Variants in LHFPL3 observed in about 807,000 individuals in gnomAD.
The protein encoded by LHFPL3 is LHFPL tetraspan subfamily member 3 protein.
A neutral mutation model predicts 19.3 loss-of-function variants in LHFPL3; 5 were observed. The ratio of observed to expected loss-of-function variants is 0.26; its 90% CI spans 0.14 to 0.54. LHFPL3 has a LOEUF of 0.54. Among genes scored for constraint, LHFPL3 ranks in the 20% least tolerant of loss-of-function variants. The pLI is 0.94. For missense variants in LHFPL3, 249 were observed against 307.4 expected (o/e 0.81, Z 1.42); for synonymous variants, 133 against 126.2 (o/e 1.05, Z -0.36).
rs543248944 is a variant in LHFPL3 at position 104,810,468 on chromosome 7, C to A, written c.682+73557C>A. 4.6e-5 allele frequency among the ~76,000 whole-genome samples: 7 copies of A among 152,202 alleles called. No individual in the cohort carries two copies. In the South Asian group the frequency reaches 1.5e-3, roughly 32 times the overall value. On this transcript the variant is annotated intron_variant, in intron 2 of 2. Coordinates refer to ENST00000424859, the MANE Select transcript of LHFPL3 (RefSeq NM_199000.3). ...GGAGAGGTTTCAGAGGTAGAACTCACAAGAACTGAGGAGAGAGGGTCATTC... is the reference window on the plus strand; with the variant it reads ...GGAGAGGTTTCAGAGGTAGAACTCAAAAGAACTGAGGAGAGAGGGTCATTC...
At chr7:104,397,960 T>C (rs1033778638) in intron 1 of LHFPL3, among the ~76,000 whole-genome samples, 10 of 152,194 alleles carry the variant, frequency 6.6e-5, no homozygotes, top group African/African-American at 2.2e-4. Flanking sequence ...CAGTTTCTCA[T>C]GATAGACAGG....
chr7:104,831,251 A>T (rs147274883), intron 2 of LHFPL3, among the ~76,000 whole-genome samples: 1 of 151,944 alleles, frequency 6.6e-6, no homozygotes, highest in Non-Finnish European at 1.5e-5. Flanking sequence ...TATGCATAAT[A>T]TGATACTGAA....
At chr7:104,527,431 G>C (rs1397462218) in intron 1 of LHFPL3, among the ~76,000 whole-genome samples, 2 of 152,036 alleles carry the variant, frequency 1.3e-5, no homozygotes, top group African/African-American at 2.4e-5. Flanking sequence ...GAGGTGGCGA[G>C]GTGTGGACAG....
chr7:104,890,608 G>C (rs1792226157), intron 2 of LHFPL3, among the ~76,000 whole-genome samples: 2 of 152,168 alleles, frequency 1.3e-5, no homozygotes, highest in African/African-American at 4.8e-5. Flanking sequence ...ACACTGGCCG[G>C]GTGAAGGTCT....
chr7:104,875,440 C>T (rs1791919700), intron 2 of LHFPL3, among the ~76,000 whole-genome samples: 1 of 152,186 alleles, frequency 6.6e-6, no homozygotes, highest in Non-Finnish European at 1.5e-5. Context: ...TCCTTCAATA[C>T]TTATTAGTCT....
In LHFPL3 at chr7:104,510,728, C is replaced by T. The variant is rs1471309099; in HGVS notation, c.445+181504C>T. Reference sequence around the variant, plus strand: ...TAAAACTCTTGCTCTGTGAAAGACCCTGTTGAGAGAATTAAAGTATAAGCT... The same window carrying T: ...TAAAACTCTTGCTCTGTGAAAGACCTTGTTGAGAGAATTAAAGTATAAGCT... On this transcript the variant is annotated intron_variant, in intron 1 of 2. Coordinates refer to ENST00000424859, the MANE Select transcript of LHFPL3 (RefSeq NM_199000.3). 2.6e-5 allele frequency among the ~76,000 whole-genome samples: 4 copies of T among 152,248 alleles called. No individual in the cohort carries two copies. In the South Asian group the frequency reaches 8.3e-4, roughly 32 times the overall value.
Position 104,668,123 on chromosome 7 carries a change from T to A in LHFPL3, c.446-68552T>A. 9.9e-6 allele frequency: 16 copies of A among 1,613,976 alleles called. 1 individual carries two copies. Among genetic ancestry groups the A allele is most frequent in the Non-Finnish European group, 1.4e-5 (16 of 1,179,962 alleles). ...GAGGATTAAATATCAGTGCAGTGCG[T>A]TTACCACGTGAACCCAGCAATCCAG... On this transcript the variant is annotated intron_variant, in intron 1 of 2. Transcript: ENST00000424859.
intron 1 of LHFPL3, among the ~76,000 whole-genome samples, chr7:104,705,649 G>A (rs1000495901): frequency 4.6e-5 from 7 of 152,050 alleles, no homozygotes; most frequent in Admixed American, 4.6e-4. Context: ...GTTACCTTTA[G>A]CACCTGTTCA....
At chr7:104,787,025 T>C (rs897223373) in intron 2 of LHFPL3, among the ~76,000 whole-genome samples, 5 of 152,202 alleles carry the variant, frequency 3.3e-5, no homozygotes, top group South Asian at 4.1e-4. Flanking sequence ...CCACTTACTT[T>C]TATGTTTTGT....
chr7:104,575,119 G>A (rs939571901), intron 1 of LHFPL3, among the ~76,000 whole-genome samples: 5 of 152,134 alleles, frequency 3.3e-5, no homozygotes, highest in Admixed American at 6.5e-5. Flanking sequence ...GACTAAAGAG[G>A]TTAAGAATAT....
intron 1 of LHFPL3, among the ~76,000 whole-genome samples, chr7:104,684,279 AT>A (rs1005104206): frequency 2.0e-5 from 3 of 152,208 alleles, no homozygotes; most frequent in African/African-American, 7.2e-5. Flanking sequence ...AACAATCTTA[AT>A]TCAGCTTCTT....
chr7:104,459,662 C>T (rs1003423862), intron 1 of LHFPL3, among the ~76,000 whole-genome samples: 2 of 152,168 alleles, frequency 1.3e-5, no homozygotes, highest in Admixed American at 6.5e-5. Flanking sequence ...GGCAAGGGAC[C>T]TCTTCGTAAC....
At chr7:104,382,552 T>A (rs1402909804) in intron 1 of LHFPL3, among the ~76,000 whole-genome samples, 1 of 152,154 alleles carries the variant, frequency 6.6e-6, no homozygotes, top group Non-Finnish European at 1.5e-5. Context: ...CTGGGTTCCA[T>A]CTCCAAGGAT....
Position 104,626,921 on chromosome 7 carries a change from C to T in LHFPL3, c.446-109754C>T, listed in dbSNP as rs1381614985. Among the ~76,000 whole-genome samples, 5 of 152,162 alleles carry T rather than the reference C, an allele frequency of 3.3e-5. No individual in the cohort carries two copies. In the East Asian group the frequency reaches 9.6e-4, roughly 29 times the overall value. ...ACACAATGTTTTGATATATATAGAC[C>T]TTGTGGAGTGGCTAAATAAAGCTAA... is the stretch of plus-strand genomic sequence containing the variant. On this transcript the variant is annotated intron_variant, in intron 1 of 2. Transcript: ENST00000424859.
intron 2 of LHFPL3, among the ~76,000 whole-genome samples, chr7:104,812,462 C>A (rs1790488836): frequency 6.6e-6 from 1 of 152,052 alleles, no homozygotes; most frequent in Non-Finnish European, 1.5e-5. Context: ...TCTACACCAG[C>A]CTAGGCAACA....
intron 1 of LHFPL3, among the ~76,000 whole-genome samples, chr7:104,708,160 G>A (rs1040615685): frequency 9.2e-5 from 14 of 152,296 alleles, no homozygotes; most frequent in Non-Finnish European, 1.5e-4. Context: ...CAAGGTCTTT[G>A]CCAACTTTCG....
Position 104,448,595 on chromosome 7 carries a change from C to T in LHFPL3, c.445+119371C>T, listed in dbSNP as rs188002309. On this transcript the variant is annotated intron_variant, in intron 1 of 2. Transcript: ENST00000424859. ...GTTCCCCTTTATGAGTATTTTGGAA[C>T]CTCTTTTTGAAAACCATTACTATAC... is the stretch of plus-strand genomic sequence containing the variant. Among the ~76,000 whole-genome samples the T allele has an allele frequency of 1.8e-3, 276 of 152,256 alleles. 1 individual carries two copies. Among genetic ancestry groups the T allele is most frequent in the African/African-American group, 6.3e-3 (261 of 41,548 alleles).
chr7:104,836,024 T>A (rs912195948), intron 2 of LHFPL3, among the ~76,000 whole-genome samples: 1 of 151,876 alleles, frequency 6.6e-6, no homozygotes, highest in Admixed American at 6.5e-5. Flanking sequence ...GGTAGTGTGC[T>A]AAGTAGTGAC....
At chr7:104,878,697 G>A (rs1791992817) in intron 2 of LHFPL3, among the ~76,000 whole-genome samples, 1 of 152,146 alleles carries the variant, frequency 6.6e-6, no homozygotes, top group South Asian at 2.1e-4. Flanking sequence ...TCAAAAGCTA[G>A]AAATGACTAA....
Sources: gnomAD v4.1 joint callset for allele counts (sites outside exome capture counted in the v4.1 genomes callset) on GRCh38, gnomAD v4.1.1 for gene constraint, MANE v1.5 for transcripts, NCBI Gene and HGNC (gene_info 2026-07-23, HGNC 2026-07-21) for gene names.